PLA2G15: variants seen among roughly 807,000 people sequenced by gnomAD.
PLA2G15 encodes lysosomal phospholipase A and acyltransferase.
A neutral mutation model predicts 40.9 loss-of-function variants in PLA2G15; 20 were observed. That is an observed-to-expected ratio of 0.49 (90% confidence interval 0.34 to 0.71). PLA2G15 has a LOEUF of 0.71. Among genes scored for constraint, PLA2G15 ranks in the 30% least tolerant of loss-of-function variants. The probability of loss-of-function intolerance (pLI) is 0.01; values close to 1 mark genes in which losing one functional copy is unlikely to be tolerated. For synonymous variants in PLA2G15, 223 were observed against 228.2 expected (o/e 0.98, Z 0.21); for missense variants, 471 against 541.9 (o/e 0.87, Z 1.30).
At chr16:68,249,580 C>A in intron 2 of PLA2G15, 134 bp downstream of exon 2, 3 of 800,276 alleles carry the variant, frequency 3.7e-6, no homozygotes, top group South Asian at 3.3e-5. Flanking sequence ...CTGGTCTGGT[C>A]TGGTCTGGTT....
At chr16:68,254,290 A>G (rs1009324940) in intron 2 of PLA2G15, 1 of 149,148 alleles carries the variant, frequency 6.7e-6, no homozygotes, top group African/African-American at 2.5e-5. Flanking sequence ...GGATGTAATT[A>G]CTCTGATCTG....
At chr16:68,253,707 T>TTTTTA (rs2042375158) in intron 2 of PLA2G15, among the ~76,000 whole-genome samples, 2 of 146,458 alleles carry the variant, frequency 1.4e-5, no homozygotes, top group Admixed American at 6.8e-5. Flanking sequence ...TTTTTTTTTT[T>TTTTTA]GAGACAGGGT....
chr16:68,258,280 C>T (rs934561240), intron 5 of PLA2G15, among the ~76,000 whole-genome samples: 3 of 152,198 alleles, frequency 2.0e-5, no homozygotes, highest in African/African-American at 7.2e-5. Flanking sequence ...GCTGGCTGAA[C>T]GCTGGTCTGA....
chr16:68,253,475 A>G, intron 2 of PLA2G15: 1 of 434,656 alleles, frequency 2.3e-6, no homozygotes, highest in South Asian at 1.6e-5. Flanking sequence ...TCCCAGGCTC[A>G]AGCACTTCTC....
Position 68,259,674 on chromosome 16 carries a change from C to T in PLA2G15, c.*17C>T, listed in dbSNP as rs750587516. ...GGGCCCTGACTCCTGTGCCACAGGA[C>T]TCCTGTGGCTCGGCCGTGGACCTGC... On this transcript the variant is annotated 3_prime_UTR_variant, in exon 6 of 6. Transcript: ENST00000219345. This position sits in a 1 kb window ranked among gnomAD's most constrained non-coding sequence, Gnocchi z 6.5. 1.9e-6 allele frequency: 3 copies of T among 1,601,336 alleles called. No individual in the cohort carries two copies. Among genetic ancestry groups the T allele is most frequent in the Admixed American group, 1.7e-5 (1 of 59,526 alleles).
chr16:68,248,536 C>T (rs888170796), intron 1 of PLA2G15: 5 of 187,564 alleles, frequency 2.7e-5, no homozygotes, highest in Non-Finnish European at 4.6e-5. Flanking sequence ...CAGGTGTGTG[C>T]CACCACACCA....
chr16:68,250,644 G>A (rs1450537076), intron 2 of PLA2G15, among the ~76,000 whole-genome samples: 1 of 152,142 alleles, frequency 6.6e-6, no homozygotes, highest in African/African-American at 2.4e-5. Context: ...TTGGGAGGCT[G>A]AGGCAGTCAG....
At chr16:68,257,790 C>T (rs1235065273) in intron 5 of PLA2G15, among the ~76,000 whole-genome samples, 1 of 152,204 alleles carries the variant, frequency 6.6e-6, no homozygotes, top group Admixed American at 6.5e-5. Context: ...CGGATGTGGG[C>T]ATACCCTGAG....
In PLA2G15 at chr16:68,259,553, G is replaced by A. The variant is rs757312909; in HGVS notation, c.1135G>A (p.Glu379Lys). Residue 379 changes from glutamate (E) to lysine (K), a missense_variant, in exon 6 of 6, where the codon GAG (glutamate) becomes AAG (lysine). By Grantham distance (56) the Glu-to-Lys change is moderately conservative. Transcript: ENST00000219345. This position sits in a 1 kb window ranked among gnomAD's most constrained non-coding sequence, Gnocchi z 6.5. ...LQCQAWQSRQ[E>K]HQVLLQELPG... ...GTGCCAGGCCTGGCAGAGCCGCCAG[G>A]AGCACCAAGTGTTGCTGCAGGAGCT... 4 of 1,613,352 alleles carry A rather than the reference G, an allele frequency of 2.5e-6. No individual in the cohort carries two copies. The highest frequency in any genetic ancestry group is 4.5e-5 in the East Asian group (2 of 44,876).
chr16:68,248,765 C>A, intron 1 of PLA2G15: 1 of 979,990 alleles, frequency 1.0e-6, no homozygotes, highest in Non-Finnish European at 1.2e-6. Flanking sequence ...CCAAGCCCCT[C>A]CTCCCAGGCA....
At position 68,259,319 on chromosome 16, in the gene PLA2G15, G is replaced by A. The variant is rs202221996; in HGVS notation, c.901G>A (p.Asp301Asn). 85 of 1,613,972 alleles carry A rather than the reference G, an allele frequency of 5.3e-5. No individual in the cohort carries two copies. Among genetic ancestry groups the A allele is most frequent in the Non-Finnish European group, 6.8e-5 (80 of 1,180,050 alleles). Residue 301 changes from aspartate to asparagine, a missense_variant, in exon 6 of 6, where the codon GAC becomes AAC. Coordinates refer to ENST00000219345, the MANE Select transcript of PLA2G15 (RefSeq NM_012320.4). The surrounding 1 kb of genome is among the most constrained non-coding windows in gnomAD (Gnocchi z 6.5). Reference protein sequence around the residue: ...TLRDYRKFFQDIGFEDGWLMR... With the variant: ...TLRDYRKFFQNIGFEDGWLMR... ...GCGGGACTACCGCAAGTTCTTCCAG[G>A]ACATCGGCTTTGAAGATGGCTGGCT... is the stretch of plus-strand genomic sequence containing the variant.
chr16:68,249,141 C>G, intron 1 of PLA2G15, 149 bp from the exon 2 acceptor site: 1 of 651,518 alleles, frequency 1.5e-6, no homozygotes, highest in South Asian at 2.0e-5. Context: ...TTCCTGCCAC[C>G]AGCACTGTGC....
rs1318536332 is a variant in PLA2G15, at chr16:68,259,727, A to G, written c.*70A>G. ...TTGGCCTCTGGGGCTGTCATGGCCC[A>G]CGCGTTTTGCAAAGTTTGTGACTCA... On this transcript the variant is annotated 3_prime_UTR_variant, in exon 6 of 6. Transcript: ENST00000219345. The surrounding 1 kb of genome is among the most constrained non-coding windows in gnomAD (Gnocchi z 6.5). The G allele has an allele frequency of 6.7e-7, 1 of 1,487,258 alleles. No homozygotes were observed. The highest frequency in any genetic ancestry group is 2.3e-5 in the East Asian group (1 of 44,008). The allele number at this position is 1,487,258 out of a possible 1,614,324, so 92.1% of individuals were successfully genotyped here. A position where few individuals can be genotyped will look rare whatever the true frequency, so the allele number is the denominator to read the frequency against.
At chr16:68,256,933 G>A (rs2151205856) in intron 5 of PLA2G15, among the ~76,000 whole-genome samples, 1 of 150,814 alleles carries the variant, frequency 6.6e-6, no homozygotes, top group South Asian at 2.1e-4. Context: ...CCAGGTTGGA[G>A]TGCAGTAGCG....
intron 2 of PLA2G15, among the ~76,000 whole-genome samples, chr16:68,251,258 C>A (rs1053733756): frequency 2.0e-5 from 3 of 152,182 alleles, no homozygotes; most frequent in Non-Finnish European, 4.4e-5. Context: ...TGGCGTTGAG[C>A]TGAGGTTCCC....
At chr16:68,252,727 G>A (rs2042365920) in intron 2 of PLA2G15, 2 of 401,508 alleles carry the variant, frequency 5.0e-6, no homozygotes, top group Admixed American at 5.4e-5. Flanking sequence ...CAGCACTTTG[G>A]GAGGCTAAGG....
intron 5 of PLA2G15, chr16:68,258,940 A>G (rs1333535341): frequency 1.2e-5 from 7 of 576,410 alleles, no homozygotes; most frequent in African/African-American, 1.9e-5. Context: ...AGCCTGGGCA[A>G]CAGAGTGAGA....
chr16:68,248,874 G>A (rs79972507), intron 1 of PLA2G15, among the ~76,000 whole-genome samples: 5,775 of 152,264 alleles, frequency 0.038, 121 homozygotes, highest in Middle Eastern at 0.15. Context: ...TAACAGATAC[G>A]GAAACTGAGG....
At chr16:68,252,747 C>T (rs1435856914) in intron 2 of PLA2G15, 4 of 381,002 alleles carry the variant, frequency 1.0e-5, no homozygotes, top group Admixed American at 3.1e-5. Context: ...GCAGGAGGAT[C>T]GCTTGAGCCC....
Sources: gnomAD v4.1 joint callset for allele counts (sites outside exome capture counted in the v4.1 genomes callset) on GRCh38, gnomAD v4.1.1 for gene constraint, Gnocchi (gnomAD v3.1) non-coding constraint, MANE v1.5 for transcripts, NCBI Gene and HGNC (gene_info 2026-07-23, HGNC 2026-07-21) for gene names.